EFCAB7: variants seen among roughly 807,000 people sequenced by gnomAD.
The protein encoded by EFCAB7 is EF-hand calcium binding domain 7.
A neutral mutation model predicts 77.1 loss-of-function variants in EFCAB7; 66 were observed. The ratio of observed to expected loss-of-function variants is 0.86; its 90% CI spans 0.70 to 1.05. The LOEUF (loss-of-function observed/expected upper bound fraction) is 1.05. Ranked by LOEUF, EFCAB7 falls within the 50% of genes least tolerant of loss-of-function variation. The pLI, the probability that EFCAB7 is intolerant of heterozygous loss-of-function variation, is 0.00. For synonymous variants in EFCAB7, 225 were observed against 243.3 expected, an observed-to-expected ratio of 0.92 and a Z score of 0.70; for missense variants, 638 against 730.5, an observed-to-expected ratio of 0.87 and a Z score of 1.46.
chr1:63,554,897 TTA>T (rs1307244209), intron 8 of EFCAB7, among the ~76,000 whole-genome samples: 1 of 152,204 alleles, frequency 6.6e-6, no homozygotes, highest in East Asian at 1.9e-4. Flanking sequence ...AATTTTTATT[TTA>T]TGTCATTGAA....
At chr1:63,582,324 T>G in the EFCAB7 span, among the ~76,000 whole-genome samples, 1 of 152,196 alleles carries the variant, frequency 6.6e-6, no homozygotes, top group Non-Finnish European at 1.5e-5. Flanking sequence ...TTGAATTGCT[T>G]GATATGCATT....
In EFCAB7 at chr1:63,557,154, G is replaced by A. The variant is rs1570428012; in HGVS notation, c.1255G>A (p.Gly419Arg). The A allele has an allele frequency of 1.2e-6, 2 of 1,600,998 alleles. No individual in the cohort carries two copies. Among genetic ancestry groups the A allele is most frequent in the Non-Finnish European group, 1.7e-6 (2 of 1,175,322 alleles). The change falls in exon 10 of 14, where the codon GGA becomes AGA. Residue 419 changes from glycine (G) to arginine (R), a missense_variant. Physicochemically the swap from Gly to Arg is moderately radical, Grantham distance 125. Coordinates refer to ENST00000371088, the MANE Select transcript of EFCAB7 (RefSeq NM_032437.4). ...SDIFEVIDLD[G>R]NGLLSLEEYN... ...TATATTTGAAGTAATTGATTTAGAT[G>A]GAAATGGTCTTCTTAGCCTTGAAGA...
intron 7 of EFCAB7, 34 bp from the exon 8 acceptor site, chr1:63,551,691 T>G (rs755526417): frequency 2.6e-6 from 3 of 1,143,020 alleles, no homozygotes; most frequent in Non-Finnish European, 3.7e-6. Context: ...GATTGCTTAT[T>G]TTAAGGTGTT....
In EFCAB7 at chr1:63,545,933, A is replaced by G. The variant is rs754919332; in HGVS notation, c.822A>G (p.Gln274=). The change falls in exon 7 of 14, where the codon CAA becomes CAG. Residue 274 remains glutamine (Q), a synonymous_variant. Transcript: ENST00000371088. ...PNLIKDWQHM[Q]SKGCFFLEED... ...CATTTCAGGACTGGCAACACATGCA[A>G]TCAAAAGGTTGCTTCTTCTTAGAAG... 1.8e-5 allele frequency: 29 copies of G among 1,613,506 alleles called. No individual in the cohort carries two copies. The highest frequency in any genetic ancestry group is 2.7e-5 in the African/African-American group (2 of 74,896).
downstream of EFCAB7, among the ~76,000 whole-genome samples, chr1:63,575,548 C>T (rs17125143): frequency 0.049 from 7,516 of 152,150 alleles, 652 homozygotes; most frequent in African/African-American, 0.17. Flanking sequence ...TTTTGGCAAA[C>T]TGTATTGGAC....
At chr1:63,579,943 TGATTC>T in the EFCAB7 span, among the ~76,000 whole-genome samples, 3 of 152,232 alleles carry the variant, frequency 2.0e-5, no homozygotes, top group African/African-American at 7.2e-5. Context: ...TCTTACCATT[TGATTC>T]TTTATAAATT....
At chr1:63,544,001 A>C (rs1570404328) in intron 6 of EFCAB7, among the ~76,000 whole-genome samples, 1 of 133,698 alleles carries the variant, frequency 7.5e-6, no homozygotes, top group East Asian at 2.1e-4. Flanking sequence ...ACAGAGGCTC[A>C]CTCTGTCTCC....
chr1:63,568,401 A>T lies in EFCAB7; in HGVS notation c.1589A>T (p.Lys530Met). 6.3e-7 allele frequency: 1 copy of T among 1,581,778 alleles called. No homozygotes were observed. The highest frequency in any genetic ancestry group is 8.6e-7 in the Non-Finnish European group (1 of 1,167,934). Residue 530 changes from lysine to methionine, a missense_variant, in exon 12 of 14, where the codon AAG becomes ATG. Lys to Met is a moderately conservative substitution (Grantham distance 95). Transcript: ENST00000371088. ...HMEACSGQLEKAICKSVLSNG... is the reference protein window; with the variant it reads ...HMEACSGQLEMAICKSVLSNG... ...GAGGCATGTAGTGGACAACTTGAGA[A>T]GGCCATTTGTAAATCTGTTCTTAGC...
chr1:63,524,171 G>C (rs1315305987), intron 1 of EFCAB7, among the ~76,000 whole-genome samples: 1 of 152,230 alleles, frequency 6.6e-6, no homozygotes, highest in South Asian at 2.1e-4. Context: ...AATATTTGAG[G>C]ACGATCCTAA....
chr1:63,541,374 A>G (rs1184236559), intron 6 of EFCAB7, among the ~76,000 whole-genome samples: 1 of 152,214 alleles, frequency 6.6e-6, no homozygotes, highest in Non-Finnish European at 1.5e-5. Flanking sequence ...ATAAAGCACT[A>G]TGGGAACACA....
chr1:63,542,235 T>G (rs557574024), intron 6 of EFCAB7, among the ~76,000 whole-genome samples: 1 of 152,352 alleles, frequency 6.6e-6, no homozygotes, highest in East Asian at 1.9e-4. Flanking sequence ...CTGATTTCAC[T>G]TAGCATAATG....
At chr1:63,532,181 C>A (rs923778071) in intron 3 of EFCAB7, 150 bp downstream of exon 3, 1 of 654,894 alleles carries the variant, frequency 1.5e-6, no homozygotes, top group Non-Finnish European at 2.6e-6. Flanking sequence ...ACTTAGGAAT[C>A]CTTCTGGATG....
At chr1:63,560,549 C>T (rs1406446687) in intron 10 of EFCAB7, among the ~76,000 whole-genome samples, 2 of 128,106 alleles carry the variant, frequency 1.6e-5, no homozygotes, top group African/African-American at 5.9e-5. Flanking sequence ...CTGAGTCTCA[C>T]TCTGTCACCC....
intron 10 of EFCAB7, among the ~76,000 whole-genome samples, chr1:63,560,512 C>CTT (rs11347600): frequency 7.2e-4 from 56 of 77,402 alleles, no homozygotes; most frequent in Non-Finnish European, 1.0e-3. Flanking sequence ...AAACTCTTAA[C>CTT]TTTTTTTTTT....
In EFCAB7 at chr1:63,555,488, G is replaced by A. The variant is rs537335768; in HGVS notation, c.1187G>A (p.Gly396Glu). The change falls in exon 9 of 14, where the codon GGG becomes GAG. Residue 396 changes from glycine (G) to glutamate (E), a missense_variant. Physicochemically the swap from Gly to Glu is moderately conservative, Grantham distance 98 (BLOSUM62 -2). Coordinates refer to ENST00000371088, the MANE Select transcript of EFCAB7 (RefSeq NM_032437.4). ...EAQLVYRDET[G>E]ELFLTKEFKS... ...CAACTTGTATATAGAGATGAAACAG[G>A]GGAATTATTCCTTACAAAGGAATTT... The A allele has an allele frequency of 2.3e-5, 37 of 1,612,900 alleles. No homozygotes were observed. The East Asian group carries it at 7.6e-4, about 33-fold the overall frequency.
intron 11 of EFCAB7, among the ~76,000 whole-genome samples, chr1:63,566,899 T>A (rs1647178955): frequency 6.7e-6 from 1 of 149,692 alleles, no homozygotes; most frequent in Admixed American, 6.7e-5. Flanking sequence ...ATTTATTTTA[T>A]ATTATTAAAA....
At chr1:63,574,751 T>G (rs533112059), downstream of EFCAB7, among the ~76,000 whole-genome samples, 7 of 152,286 alleles carry the variant, frequency 4.6e-5, no homozygotes, top group African/African-American at 1.7e-4. Flanking sequence ...AGTGAGGAAA[T>G]TTCTTTCTGC....
intron 7 of EFCAB7, chr1:63,549,744 C>T (rs1304028351): frequency 5.4e-6 from 1 of 185,198 alleles, no homozygotes; most frequent in African/African-American, 2.4e-5. Context: ...TTTTTTTAAG[C>T]CTATATGCAA....
At chr1:63,536,454 C>T (rs929414645) in intron 6 of EFCAB7, among the ~76,000 whole-genome samples, 1 of 152,178 alleles carries the variant, frequency 6.6e-6, no homozygotes, top group African/African-American at 2.4e-5. Context: ...GATCTTGGCT[C>T]AGTGCAACCT....
Sources: allele counts gnomAD v4.1 joint callset (sites outside exome capture counted in the v4.1 genomes callset), GRCh38; gene constraint gnomAD v4.1.1; transcripts MANE v1.5; gene names NCBI Gene and HGNC (gene_info 2026-07-23, HGNC 2026-07-21).